PAM: variants seen among roughly 807,000 people sequenced by gnomAD.
The protein encoded by PAM is peptidylglycine alpha-amidating monooxygenase.
PAM carries 72 observed loss-of-function variants against 122.1 expected under a neutral mutation model. The ratio of observed to expected loss-of-function variants is 0.59; its 90% CI spans 0.49 to 0.72. The LOEUF is 0.72. Among genes scored for constraint, PAM ranks in the 30% least tolerant of loss-of-function variants. PAM has a pLI of 0.00. For synonymous variants in PAM, 389 were observed against 404.4 expected (o/e 0.96, Z 0.46); for missense variants, 1,106 against 1,183.7 (o/e 0.93, Z 0.96).
intron 15 of PAM, among the ~76,000 whole-genome samples, chr5:102,989,429 C>T (rs1196460895): frequency 1.3e-5 from 2 of 152,130 alleles, no homozygotes; most frequent in Non-Finnish European, 2.9e-5. Context: ...ATTGCTTGAG[C>T]TCAGCAGGTT....
At chr5:102,931,805 A>ACTCTCTCTCTCTCTCTCTCT (rs879417466) in intron 7 of PAM, among the ~76,000 whole-genome samples, 24 of 140,390 alleles carry the variant, frequency 1.7e-4, no homozygotes, top group African/African-American at 6.2e-4. Context: ...AACAAACAAC[A>ACTCTCTCTCTCTCTCTCTCT]CACTCTCTCT....
chr5:103,022,338 G>A (rs1214609905), intron 23 of PAM, among the ~76,000 whole-genome samples: 2 of 151,938 alleles, frequency 1.3e-5, no homozygotes, highest in African/African-American at 4.8e-5. Context: ...TTCTGTCTGT[G>A]ATGAACTGGG....
At chr5:103,013,130 T>C (rs1313077672) in intron 21 of PAM, among the ~76,000 whole-genome samples, 1 of 152,196 alleles carries the variant, frequency 6.6e-6, no homozygotes, top group African/African-American at 2.4e-5. Flanking sequence ...TGGATAGTGA[T>C]TGCATTGAAT....
intron 1 of PAM, among the ~76,000 whole-genome samples, chr5:102,775,739 A>T (rs2149803407): frequency 6.6e-6 from 1 of 152,234 alleles, no homozygotes; most frequent in South Asian, 2.1e-4. Flanking sequence ...TCAGTGTATC[A>T]TTGATGGGCA....
intron 20 of PAM, 128 bp downstream of exon 20, chr5:103,007,785 C>G: frequency 1.6e-6 from 1 of 630,412 alleles, no homozygotes; most frequent in South Asian, 2.0e-5. Context: ...AAGTATCTTA[C>G]AACTGTTAGT....
intron 1 of PAM, among the ~76,000 whole-genome samples, chr5:102,841,183 G>A (rs2150571790): frequency 6.6e-6 from 1 of 152,190 alleles, no homozygotes; most frequent in African/African-American, 2.4e-5. Context: ...ATTTAGAATG[G>A]AATTGCCTAA....
At chr5:103,007,679 G>C (rs1188205114) in intron 20 of PAM, 22 bp downstream of exon 20, 2 of 1,417,310 alleles carry the variant, frequency 1.4e-6, no homozygotes, top group Non-Finnish European at 2.0e-6. Flanking sequence ...TAATATGTTT[G>C]TTGTCTTCTG....
chr5:102,768,925 A>G (rs1172767253), intron 1 of PAM, among the ~76,000 whole-genome samples: 1 of 152,194 alleles, frequency 6.6e-6, no homozygotes, highest in Admixed American at 6.6e-5. Flanking sequence ...AGGAACCTCC[A>G]AACTTCTCCA....
chr5:102,856,367 A>G (rs1782625932), intron 1 of PAM, among the ~76,000 whole-genome samples: 2 of 152,190 alleles, frequency 1.3e-5, no homozygotes, highest in Admixed American at 1.3e-4. Flanking sequence ...TTAGGATACA[A>G]AGAAGTGGTC....
At chr5:103,004,123 C>T (rs1778221324) in intron 17 of PAM, among the ~76,000 whole-genome samples, 1 of 152,104 alleles carries the variant, frequency 6.6e-6, no homozygotes, top group Non-Finnish European at 1.5e-5. Flanking sequence ...GGATAGCCAC[C>T]GTTTTGAGTG....
At chr5:102,897,249 A>C (rs753971741) in intron 3 of PAM, among the ~76,000 whole-genome samples, 22 of 151,590 alleles carry the variant, frequency 1.5e-4, no homozygotes, top group African/African-American at 3.4e-4. Context: ...GTTCCTTACC[A>C]GTTTGTCTGG....
chr5:102,999,281 A>T (rs1033126096), intron 16 of PAM, among the ~76,000 whole-genome samples: 10 of 152,224 alleles, frequency 6.6e-5, no homozygotes, highest in African/African-American at 2.4e-4. Context: ...CTTTGACTGC[A>T]TGTCTCACAT....
At chr5:102,807,067 T>G (rs1766429789) in intron 1 of PAM, among the ~76,000 whole-genome samples, 1 of 152,248 alleles carries the variant, frequency 6.6e-6, no homozygotes, top group East Asian at 1.9e-4. Context: ...CATTTTTGAT[T>G]GTGATATGAA....
intron 14 of PAM, among the ~76,000 whole-genome samples, chr5:102,962,606 T>C (rs1282243354): frequency 6.6e-6 from 1 of 151,818 alleles, no homozygotes; most frequent in Non-Finnish European, 1.5e-5. Flanking sequence ...GAAACTGCAG[T>C]TGGACTATGG....
intron 1 of PAM, among the ~76,000 whole-genome samples, chr5:102,799,989 T>C (rs558617642): frequency 3.3e-5 from 5 of 152,236 alleles, no homozygotes; most frequent in African/African-American, 7.2e-5. Context: ...ATCCCAAATT[T>C]ACATTTCCAG....
intron 1 of PAM, among the ~76,000 whole-genome samples, chr5:102,758,068 A>ATTTTTTTTT (rs1751039527): frequency 1.1e-5 from 1 of 87,630 alleles, no homozygotes; most frequent in Non-Finnish European, 2.2e-5. Context: ...AAGACTTAGA[A>ATTTTTTTTT]TTTTGTTTTT....
At chr5:102,771,898 T>G (rs1374738550) in intron 1 of PAM, among the ~76,000 whole-genome samples, 1 of 152,168 alleles carries the variant, frequency 6.6e-6, no homozygotes, top group Non-Finnish European at 1.5e-5. Context: ...GAAATGTTTA[T>G]GTTTTCTTGT....
intron 3 of PAM, among the ~76,000 whole-genome samples, chr5:102,882,369 AT>A: frequency 6.6e-6 from 1 of 151,650 alleles, no homozygotes; most frequent in Admixed American, 6.6e-5. Flanking sequence ...TTTTTACCAC[AT>A]CCACACCAAC....
rs143725643 is a variant in PAM at position 102,912,862 on chromosome 5, C to G, written c.269-1072C>G. Among the ~76,000 whole-genome samples, 83 of 152,082 alleles carry G rather than the reference C, an allele frequency of 5.5e-4. 1 individual carries two copies. Among genetic ancestry groups the G allele is most frequent in the African/African-American group, 1.9e-3 (79 of 41,540 alleles). On this transcript the variant is annotated intron_variant, in intron 4 of 25. Coordinates refer to ENST00000438793, the MANE Select transcript of PAM (RefSeq NM_001177306.2). ...GCAGTAAAAGAAAGGTTTGTCTCTT[C>G]TGAAAGTTATAAGCCAAGATGGCAC... is the stretch of plus-strand genomic sequence containing the variant.
Sources: gnomAD v4.1 joint callset for allele counts (sites outside exome capture counted in the v4.1 genomes callset) on GRCh38, gnomAD v4.1.1 for gene constraint, MANE v1.5 for transcripts, NCBI Gene and HGNC (gene_info 2026-07-23, HGNC 2026-07-21) for gene names.